Variants in NCOA2 observed in about 807,000 individuals in gnomAD.
The protein encoded by NCOA2 is class E basic helix-loop-helix protein 75.
In NCOA2, 21 loss-of-function variants were observed where a neutral mutation model predicts 145.1. That is an observed-to-expected ratio of 0.14 (90% confidence interval 0.10 to 0.21). NCOA2 has a LOEUF of 0.21. Among genes scored for constraint, NCOA2 ranks in the 10% least tolerant of loss-of-function variants. The probability of loss-of-function intolerance (pLI) is 1.00; values close to 1 mark genes in which losing one functional copy is unlikely to be tolerated. For synonymous variants in NCOA2, 619 were observed against 637.5 expected (o/e 0.97, Z 0.44); for missense variants, 1,472 against 1,837.6 (o/e 0.80, Z 3.64).
intron 1 of NCOA2, among the ~76,000 whole-genome samples, chr8:70,352,767 A>C (rs1809355649): frequency 6.6e-6 from 1 of 152,172 alleles, no homozygotes; most frequent in Admixed American, 6.5e-5. Context: ...AGTTTTCTTA[A>C]CACTGGTCGT....
chr8:70,254,108 G>A (rs1050781060), intron 2 of NCOA2, among the ~76,000 whole-genome samples: 2 of 152,082 alleles, frequency 1.3e-5, no homozygotes, highest in South Asian at 2.1e-4. Flanking sequence ...CTCCAAAGAC[G>A]ACACACAAAT....
intron 2 of NCOA2, among the ~76,000 whole-genome samples, chr8:70,251,092 A>G (rs1214464749): frequency 6.6e-6 from 1 of 152,172 alleles, no homozygotes; most frequent in Non-Finnish European, 1.5e-5. Flanking sequence ...GGGATAAAGA[A>G]AAGGGCCATC....
intron 2 of NCOA2, among the ~76,000 whole-genome samples, chr8:70,219,511 C>A (rs1463430458): frequency 6.6e-6 from 1 of 152,130 alleles, no homozygotes; most frequent in Non-Finnish European, 1.5e-5. Context: ...GTCGGGGATG[C>A]CTGGCCAAGC....
the NCOA2 span, among the ~76,000 whole-genome samples, chr8:70,433,238 G>A: frequency 2.0e-5 from 3 of 152,022 alleles, no homozygotes; most frequent in Admixed American, 1.3e-4. Flanking sequence ...AGTCAATAGT[G>A]ATTTTTGTCA....
intron 15 of NCOA2, among the ~76,000 whole-genome samples, chr8:70,137,439 C>T (rs988366886): frequency 4.6e-5 from 7 of 152,230 alleles, no homozygotes; most frequent in African/African-American, 1.4e-4. Context: ...TTTGACATTT[C>T]ATCCAAAAAC....
At chr8:70,138,863 A>G (rs370886502) in intron 14 of NCOA2, among the ~76,000 whole-genome samples, 1 of 152,392 alleles carries the variant, frequency 6.6e-6, no homozygotes, top group African/African-American at 2.4e-5. Flanking sequence ...ATCTTCTGTG[A>G]TATCATATAG....
At chr8:70,200,920 C>T (rs1817813837) in intron 4 of NCOA2, among the ~76,000 whole-genome samples, 1 of 151,682 alleles carries the variant, frequency 6.6e-6, no homozygotes, top group African/African-American at 2.4e-5. Context: ...TGGTGTTGTA[C>T]ACCTGTGGTC....
intron 1 of NCOA2, among the ~76,000 whole-genome samples, chr8:70,363,126 G>A (rs1387175411): frequency 6.8e-6 from 1 of 147,050 alleles, no homozygotes; most frequent in African/African-American, 2.5e-5. Flanking sequence ...GCTCACACCT[G>A]TAATCCCAGC....
upstream of NCOA2, among the ~76,000 whole-genome samples, chr8:70,405,575 G>A (rs533651458): frequency 1.0e-4 from 15 of 148,512 alleles, no homozygotes; most frequent in South Asian, 2.8e-3. Flanking sequence ...TCTACAATGG[G>A]GTAGTAGTCA....
chr8:70,319,072 G>A (rs1256218574), intron 1 of NCOA2, among the ~76,000 whole-genome samples: 2 of 152,046 alleles, frequency 1.3e-5, no homozygotes, highest in African/African-American at 4.8e-5. Flanking sequence ...TAACATTCAC[G>A]CCTTTCCAAG....
chr8:70,430,104 C>T, the NCOA2 span, among the ~76,000 whole-genome samples: 1 of 152,142 alleles, frequency 6.6e-6, no homozygotes, highest in Non-Finnish European at 1.5e-5. Flanking sequence ...CCTCCCATCT[C>T]GGGTTCCCAA....
intron 1 of NCOA2, among the ~76,000 whole-genome samples, chr8:70,361,991 C>T (rs1810246542): frequency 6.6e-6 from 1 of 152,294 alleles, no homozygotes; most frequent in East Asian, 1.9e-4. Context: ...CTTCCATCTT[C>T]AGTAGCTGTT....
At chr8:70,163,924 A>G (rs896120943) in intron 7 of NCOA2, among the ~76,000 whole-genome samples, 2 of 152,226 alleles carry the variant, frequency 1.3e-5, no homozygotes, top group African/African-American at 2.4e-5. Flanking sequence ...CTGATAGAAA[A>G]CCAGGTTAAT....
intron 12 of NCOA2, 103 bp downstream of exon 12, chr8:70,148,170 C>A: frequency 6.0e-6 from 7 of 1,173,016 alleles, no homozygotes; most frequent in South Asian, 2.5e-5. Flanking sequence ...ATCACAAAAA[C>A]CTTAAAGTGA....
chr8:70,335,155 A>AAAAAAAAAAAAAAAAAT lies in NCOA2; in HGVS notation c.-76-38356_-76-38355insATTTTTTTTTTTTTTTT, dbSNP rs774576238. 8.7e-5 allele frequency among the ~76,000 whole-genome samples: 10 copies of AAAAAAAAAAAAAAAAAT among 115,386 alleles called. No homozygotes were observed. The East Asian group carries it at 1.4e-3, about 16-fold the overall frequency. The allele number at this position is 115,386 out of a possible 152,430, so 75.7% of individuals were successfully genotyped here. On this transcript the variant is annotated intron_variant, in intron 1 of 22. Transcript: ENST00000452400. Reference sequence around the variant, plus strand: ...AAAAAAAAAAAAAAAAAAAAAAAAGATCTCTCCCTATGACCATTTTCTCAG... The same window carrying AAAAAAAAAAAAAAAAAT: ...AAAAAAAAAAAAAAAAAAAAAAAAGAAAAAAAAAAAAAAAAATTCTCTCCCTATGACCATTTTCTCAG...
the NCOA2 span, among the ~76,000 whole-genome samples, chr8:70,453,106 A>T: frequency 6.6e-6 from 1 of 152,238 alleles, no homozygotes; most frequent in Non-Finnish European, 1.5e-5. Context: ...TTTTAAGTAG[A>T]ACCTTCAGAT....
At chr8:70,187,334 T>C (rs1027043743) in intron 4 of NCOA2, among the ~76,000 whole-genome samples, 12 of 152,374 alleles carry the variant, frequency 7.9e-5, no homozygotes, top group Non-Finnish European at 1.6e-4. Flanking sequence ...TCTTATTTTA[T>C]TTAATTCTGC....
chr8:70,273,382 A>C (rs545772797), intron 2 of NCOA2: 2 of 723,544 alleles, frequency 2.8e-6, no homozygotes, highest in Non-Finnish European at 4.2e-6. Flanking sequence ...AGATGAAAGA[A>C]ACAATCATGA....
chr8:70,128,564 T>G (rs1216791549), intron 17 of NCOA2, 54 bp from the exon 18 acceptor site: 2 of 1,595,994 alleles, frequency 1.3e-6, no homozygotes, highest in Non-Finnish European at 1.7e-6. Context: ...ACATTTTACT[T>G]TAAATCAAGT....
Sources: allele counts gnomAD v4.1 joint callset (sites outside exome capture counted in the v4.1 genomes callset), GRCh38; gene constraint gnomAD v4.1.1; transcripts MANE v1.5; gene names NCBI Gene and HGNC (gene_info 2026-07-23, HGNC 2026-07-21).